Variants in GLIPR1L2 observed in about 807,000 individuals in gnomAD.
GLIPR1L2 encodes the protein GLIPR1-like protein 2.
In GLIPR1L2, 21 loss-of-function variants were observed where a neutral mutation model predicts 28.4. The observed-to-expected ratio is 0.74, with a 90% CI of 0.52 to 1.06. The LOEUF is 1.06. Ranked by LOEUF, GLIPR1L2 falls within the 50% of genes least tolerant of loss-of-function variation. The pLI, the probability that GLIPR1L2 is intolerant of heterozygous loss-of-function variation, is 0.00. For synonymous variants in GLIPR1L2, 145 were observed against 139.3 expected (o/e 1.04, Z -0.29); for missense variants, 476 against 416.9 (o/e 1.14, Z -1.23).
chr12:75,393,020 A>G (rs973807416), intron 1 of GLIPR1L2, among the ~76,000 whole-genome samples: 3 of 151,980 alleles, frequency 2.0e-5, no homozygotes, highest in Non-Finnish European at 4.4e-5. Flanking sequence ...AGCTTATTTA[A>G]ACTCTTTTAT....
At chr12:75,404,349 C>T (rs1383794643) in intron 1 of GLIPR1L2, among the ~76,000 whole-genome samples, 1 of 152,102 alleles carries the variant, frequency 6.6e-6, no homozygotes, top group African/African-American at 2.4e-5. Flanking sequence ...ATAAATTAAA[C>T]ATTCCTCAAA....
intron 1 of GLIPR1L2, among the ~76,000 whole-genome samples, chr12:75,394,763 C>CAAAAAAAAAAAAAAA (rs71078727): frequency 1.2e-5 from 1 of 80,258 alleles, no homozygotes; most frequent in Non-Finnish European, 2.4e-5. Context: ...TGTATTTCTG[C>CAAAAAAAAAAAAAAA]AAAAAAAAAA....
chr12:75,398,917 C>T (rs939860302), intron 1 of GLIPR1L2, among the ~76,000 whole-genome samples: 2 of 151,962 alleles, frequency 1.3e-5, no homozygotes, highest in East Asian at 1.9e-4. Flanking sequence ...TGGAGGTTTC[C>T]GTCTTATATT....
intron 1 of GLIPR1L2, among the ~76,000 whole-genome samples, chr12:75,396,109 G>T (rs972468250): frequency 3.3e-5 from 5 of 151,916 alleles, no homozygotes; most frequent in African/African-American, 1.2e-4. Context: ...ATTTTCTTTT[G>T]TGATTTCTTT....
intron 1 of GLIPR1L2, among the ~76,000 whole-genome samples, chr12:75,406,274 C>T (rs779906175): frequency 1.5e-4 from 23 of 151,918 alleles, no homozygotes; most frequent in African/African-American, 2.2e-4. Context: ...TCAAAACTTT[C>T]GAAATTTTTT....
chr12:75,394,438 ATTC>A (rs2045661629), intron 1 of GLIPR1L2, among the ~76,000 whole-genome samples: 1 of 151,966 alleles, frequency 6.6e-6, no homozygotes. Context: ...GGTCCAGCTT[ATTC>A]TTTTGCATGT....
At chr12:75,392,490 T>C (rs1381714902) in intron 1 of GLIPR1L2, among the ~76,000 whole-genome samples, 1 of 152,222 alleles carries the variant, frequency 6.6e-6, no homozygotes, top group Non-Finnish European at 1.5e-5. Flanking sequence ...TCAGATTATA[T>C]GCTGTCTTAT....
At chr12:75,399,771 A>C (rs983017299) in intron 1 of GLIPR1L2, among the ~76,000 whole-genome samples, 1 of 152,174 alleles carries the variant, frequency 6.6e-6, no homozygotes, top group Non-Finnish European at 1.5e-5. Context: ...TTGCTTCTGG[A>C]TTTTGTGTCA....
intron 4 of GLIPR1L2, among the ~76,000 whole-genome samples, chr12:75,424,612 AT>A (rs1036211394): frequency 1.6e-4 from 12 of 73,420 alleles, no homozygotes; most frequent in African/African-American, 3.1e-4. Flanking sequence ...TGCCCAGCTA[AT>A]TTTTTTTTTT....
chr12:75,419,636 A>G lies in GLIPR1L2; in HGVS notation c.585-3268A>G, dbSNP rs1332439189. 2.0e-5 allele frequency among the ~76,000 whole-genome samples: 3 copies of G among 152,212 alleles called. No individual in the cohort carries two copies. The East Asian group carries it at 5.8e-4, about 29-fold the overall frequency. On this transcript the variant is annotated intron_variant, in intron 3 of 5. Coordinates refer to ENST00000550916, the MANE Select transcript of GLIPR1L2 (RefSeq NM_001270396.2). ...GGATTAGAGGATGGCACAGCTAAAT[A>G]ATATCAACCTTAAAGGAGCTTTAAC...
intron 1 of GLIPR1L2, among the ~76,000 whole-genome samples, chr12:75,398,610 A>G (rs1039584175): frequency 1.3e-5 from 2 of 152,148 alleles, no homozygotes; most frequent in Non-Finnish European, 2.9e-5. Flanking sequence ...CTAACCTGAC[A>G]TGGTAGTACT....
At chr12:75,400,369 G>A (rs2045727383) in intron 1 of GLIPR1L2, among the ~76,000 whole-genome samples, 1 of 151,984 alleles carries the variant, frequency 6.6e-6, no homozygotes, top group South Asian at 2.1e-4. Context: ...TGATCCTCCC[G>A]CCTTGGCCTC....
At chr12:75,410,349 A>T in intron 1 of GLIPR1L2, 85 bp from the exon 2 acceptor site, 2 of 1,278,860 alleles carry the variant, frequency 1.6e-6, no homozygotes, top group Non-Finnish European at 2.1e-6. Context: ...TGTTTCCTTT[A>T]AATCTAATGA....
chr12:75,405,967 G>C (rs112862589), intron 1 of GLIPR1L2, among the ~76,000 whole-genome samples: 479 of 150,632 alleles, frequency 3.2e-3, no homozygotes, highest in Non-Finnish European at 5.4e-3. Flanking sequence ...TTAGGTTACT[G>C]GTCTGCTCTT....
intron 1 of GLIPR1L2, among the ~76,000 whole-genome samples, chr12:75,401,081 A>G (rs2045736018): frequency 1.3e-5 from 2 of 151,998 alleles, no homozygotes; most frequent in South Asian, 4.1e-4. Context: ...GATTTACAAA[A>G]GAGAAGTGAG....
At position 75,410,455 on chromosome 12, in the gene GLIPR1L2, C is replaced by A. The variant is rs142539769; in HGVS notation, c.256C>A (p.Arg86=). Residue 86 remains arginine (R), a synonymous_variant, in exon 2 of 6, where the codon CGG becomes AGG. Transcript: ENST00000550916. ...TCAGACTTGGGATGTAGCTTTATCA[C>A]GGACTGCTAGAGCATGGGGAAAAAA... ...RFMTWDVALS[R]TARAWGKKCL... 5.6e-6 allele frequency: 9 copies of A among 1,594,498 alleles called. No homozygotes were observed. In the South Asian group the frequency reaches 9.1e-5, roughly 16 times the overall value.
At chr12:75,421,973 T>G (rs1301821769) in intron 3 of GLIPR1L2, among the ~76,000 whole-genome samples, 2 of 134,578 alleles carry the variant, frequency 1.5e-5, no homozygotes. Context: ...ATATCATTTA[T>G]TTTTAAATTT....
rs202217718 is a variant in GLIPR1L2 at position 75,410,519 on chromosome 12, A to G, written c.320A>G (p.Gln107Arg). Residue 107 changes from glutamine (Q) to arginine (R), a missense_variant, in exon 2 of 6, where the codon CAA becomes CGA. By Grantham distance (43) the Gln-to-Arg change is conservative (BLOSUM62 1). Transcript: ENST00000550916. ...FTHNIYLQDV[Q>R]MVHPKFYGIG... Reference sequence around the variant, plus strand: ...CATAATATTTATTTACAAGATGTACAAATGGTCCATCCTAAATTTTATGGT... The same window carrying G: ...CATAATATTTATTTACAAGATGTACGAATGGTCCATCCTAAATTTTATGGT... The G allele has an allele frequency of 5.6e-6, 9 of 1,612,012 alleles. No homozygotes were observed. The Admixed American group carries it at 8.4e-5, about 15-fold the overall frequency.
intron 1 of GLIPR1L2, chr12:75,403,117 A>G (rs1297954931): frequency 8.8e-6 from 4 of 456,660 alleles, no homozygotes; most frequent in African/African-American, 4.0e-5. Flanking sequence ...CTTTGTCTTC[A>G]CTCCTGAATG....
Sources: gnomAD v4.1 joint callset for allele counts (sites outside exome capture counted in the v4.1 genomes callset) on GRCh38, gnomAD v4.1.1 for gene constraint, MANE v1.5 for transcripts, NCBI Gene and HGNC (gene_info 2026-07-23, HGNC 2026-07-21) for gene names.